SPTLC2: variants seen among roughly 807,000 people sequenced by gnomAD.
SPTLC2 encodes the protein serine palmitoyltransferase 2.
In SPTLC2, 21 loss-of-function variants were observed where a neutral mutation model predicts 62.0. That is an observed-to-expected ratio of 0.34 (90% CI 0.24 to 0.49). SPTLC2 has a LOEUF of 0.49. Ranked by LOEUF, SPTLC2 falls within the 20% of genes least tolerant of loss-of-function variation. The pLI, the probability that SPTLC2 is intolerant of heterozygous loss-of-function variation, is 0.99. For missense variants in SPTLC2, 511 were observed against 713.0 expected, an observed-to-expected ratio of 0.72 and a Z score of 3.23; for synonymous variants, 261 against 261.8, an observed-to-expected ratio of 1.00 and a Z score of 0.03.
intron 4 of SPTLC2, among the ~76,000 whole-genome samples, chr14:77,572,301 A>G (rs956740474): frequency 6.6e-6 from 1 of 152,236 alleles, no homozygotes; most frequent in African/African-American, 2.4e-5. Context: ...TGGATAACCA[A>G]GAAATAAAAG....
At chr14:77,544,475 C>A (rs944181502) in intron 9 of SPTLC2, among the ~76,000 whole-genome samples, 5 of 152,152 alleles carry the variant, frequency 3.3e-5, no homozygotes, top group African/African-American at 1.2e-4. Context: ...TAACACCATG[C>A]CATGGCAGGG....
chr14:77,606,515 G>A (rs2140063460), intron 1 of SPTLC2, among the ~76,000 whole-genome samples: 1 of 152,020 alleles, frequency 6.6e-6, no homozygotes, highest in Middle Eastern at 3.4e-3. Context: ...CAGAGAAGTG[G>A]AGATTTCTCA....
chr14:77,572,734 A>G (rs2079690693), intron 4 of SPTLC2, among the ~76,000 whole-genome samples: 1 of 152,244 alleles, frequency 6.6e-6, no homozygotes, highest in South Asian at 2.1e-4. Flanking sequence ...TGAAGTTATC[A>G]GCATTCACTG....
In SPTLC2 at chr14:77,508,932, G is replaced by C. The variant is rs1376573210; in HGVS notation, c.*3352C>G. ...GAATTTTAAAAATCAAGAACTTGAAGGTACAGAAAGAAAGAAAGGCCAAAT... is the reference window on the plus strand; with the variant it reads ...GAATTTTAAAAATCAAGAACTTGAACGTACAGAAAGAAAGAAAGGCCAAAT... On this transcript the variant is annotated 3_prime_UTR_variant, in exon 12 of 12. Transcript: ENST00000216484. The C allele has an allele frequency of 6.6e-6, 1 of 152,052 alleles. No homozygotes were observed. Among genetic ancestry groups the C allele is most frequent in the African/African-American group, 2.4e-5 (1 of 41,386 alleles). 9.4% of individuals were successfully genotyped at this position (152,052 alleles called of 1,614,324 possible).
At chr14:77,607,467 T>C (rs2079911269) in intron 1 of SPTLC2, among the ~76,000 whole-genome samples, 1 of 152,234 alleles carries the variant, frequency 6.6e-6, no homozygotes, top group Non-Finnish European at 1.5e-5. Flanking sequence ...CCATTTGCCA[T>C]TCCTTAGTTT....
At chr14:77,614,216 C>G (rs917305208) in intron 1 of SPTLC2, among the ~76,000 whole-genome samples, 4 of 152,178 alleles carry the variant, frequency 2.6e-5, no homozygotes, top group African/African-American at 7.2e-5. Flanking sequence ...GAAGAAATAT[C>G]ATTCTATAAA....
At chr14:77,553,729 C>CAAAAAA (rs34500527) in intron 8 of SPTLC2, among the ~76,000 whole-genome samples, 3,133 of 96,280 alleles carry the variant, frequency 0.033, 162 homozygotes, top group Middle Eastern at 0.065. Context: ...GGCTTGGTCT[C>CAAAAAA]AAAAAAAAAA....
intron 4 of SPTLC2, among the ~76,000 whole-genome samples, chr14:77,571,822 G>A (rs113880315): frequency 1.3e-5 from 2 of 151,994 alleles, no homozygotes; most frequent in African/African-American, 2.4e-5. Flanking sequence ...AGAGAGTCTC[G>A]CACTGTCGCC....
intron 1 of SPTLC2, among the ~76,000 whole-genome samples, chr14:77,600,054 CAGCG>C (rs1342055118): frequency 1.3e-5 from 2 of 152,166 alleles, no homozygotes; most frequent in Non-Finnish European, 2.9e-5. Flanking sequence ...ATCCAACATG[CAGCG>C]AGTTTACAGG....
At chr14:77,552,924 C>T (rs2079563409) in intron 8 of SPTLC2, among the ~76,000 whole-genome samples, 2 of 152,010 alleles carry the variant, frequency 1.3e-5, no homozygotes, top group Admixed American at 1.3e-4. Context: ...ATGTCATCTG[C>T]AGCTCTGTGT....
chr14:77,566,715 C>T (rs964001592), intron 5 of SPTLC2, among the ~76,000 whole-genome samples: 1 of 152,162 alleles, frequency 6.6e-6, no homozygotes, highest in Non-Finnish European at 1.5e-5. Flanking sequence ...CCGCCTCGGC[C>T]TCCCAAAGTC....
chr14:77,612,317 G>A (rs915559882), intron 1 of SPTLC2, among the ~76,000 whole-genome samples: 2 of 152,222 alleles, frequency 1.3e-5, no homozygotes, highest in Non-Finnish European at 2.9e-5. Flanking sequence ...GGGCAAGTCT[G>A]ACTTTTCTGA....
chr14:77,537,106 A>C (rs1162428336), intron 9 of SPTLC2, among the ~76,000 whole-genome samples: 3 of 151,992 alleles, frequency 2.0e-5, no homozygotes, highest in Non-Finnish European at 2.9e-5. Context: ...GAATTTTAGT[A>C]GAGATGGGGT....
At position 77,508,312 on chromosome 14, in the gene SPTLC2, A is replaced by C; in HGVS notation, c.*3972T>G. On this transcript the variant is annotated 3_prime_UTR_variant, in exon 12 of 12. Coordinates refer to ENST00000216484, the MANE Select transcript of SPTLC2 (RefSeq NM_004863.4). The stretch of plus-strand genomic sequence containing the variant: ...CACCTCTTTTTCTAAGCACACGGTT[A>C]TAGCAAGTAGAGATTAAAGCTCATT... 6.6e-6 allele frequency: 1 copy of C among 152,268 alleles called. No individual in the cohort carries two copies. The highest frequency in any genetic ancestry group is 1.5e-5 in the Non-Finnish European group (1 of 68,054). The allele number at this position is 152,268 out of a possible 1,614,324, so 9.4% of individuals were successfully genotyped here. A position where few individuals can be genotyped will look rare whatever the true frequency, so the allele number is the denominator to read the frequency against.
intron 4 of SPTLC2, among the ~76,000 whole-genome samples, 187 bp from the exon 5 acceptor site, chr14:77,570,695 A>C (rs2079677050): frequency 6.6e-6 from 1 of 152,210 alleles, no homozygotes. Flanking sequence ...CTCATAAAGA[A>C]CACAATAGTT....
At chr14:77,612,636 C>T (rs2079944191) in intron 1 of SPTLC2, among the ~76,000 whole-genome samples, 1 of 152,194 alleles carries the variant, frequency 6.6e-6, no homozygotes, top group African/African-American at 2.4e-5. Flanking sequence ...ACTATCGTCT[C>T]CTTTTCCTTA....
chr14:77,607,723 C>G (rs1000154287), intron 1 of SPTLC2, among the ~76,000 whole-genome samples: 12 of 152,148 alleles, frequency 7.9e-5, no homozygotes, highest in Admixed American at 2.0e-4. Flanking sequence ...TACATGGAGA[C>G]AAATGGTTAT....
intron 2 of SPTLC2, among the ~76,000 whole-genome samples, chr14:77,585,267 T>C (rs952231885): frequency 2.0e-5 from 3 of 152,240 alleles, no homozygotes; most frequent in African/African-American, 7.2e-5. Context: ...AATAGATGTT[T>C]AATAACTTAT....
rs1157517925 is a variant in SPTLC2, at chr14:77,506,423, T to G, written c.*5861A>C. ...AGCTCTCCCATAAGCTATTGCTCTCTTCTTCTCTTTCCCCCTTCTCTTAAT... is the reference window on the plus strand; with the variant it reads ...AGCTCTCCCATAAGCTATTGCTCTCGTCTTCTCTTTCCCCCTTCTCTTAAT... On this transcript the variant is annotated 3_prime_UTR_variant, in exon 12 of 12. Transcript: ENST00000216484. 2 of 152,204 alleles carry G rather than the reference T, an allele frequency of 1.3e-5. No homozygotes were observed. The highest frequency in any genetic ancestry group is 2.9e-5 in the Non-Finnish European group (2 of 68,032). The allele number at this position is 152,204 out of a possible 1,614,324, so 9.4% of individuals were successfully genotyped here.
Sources: gnomAD v4.1 joint callset for allele counts (sites outside exome capture counted in the v4.1 genomes callset) on GRCh38, gnomAD v4.1.1 for gene constraint, MANE v1.5 for transcripts, NCBI Gene and HGNC (gene_info 2026-07-23, HGNC 2026-07-21) for gene names.